RBFOX1: variants seen among roughly 807,000 people sequenced by gnomAD.
RBFOX1 encodes the protein RNA binding fox-1 homolog 1.
RBFOX1 carries 8 observed loss-of-function variants against 57.7 expected under a neutral mutation model. The observed-to-expected ratio is 0.14, with a 90% CI of 0.08 to 0.25. The LOEUF is 0.25. Ranked by LOEUF, RBFOX1 falls within the 10% of genes least tolerant of loss-of-function variation. The pLI is 1.00. For missense variants in RBFOX1, 611 were observed against 548.5 expected, an observed-to-expected ratio of 1.11 and a Z score of -1.14; for synonymous variants, 326 against 222.4, an observed-to-expected ratio of 1.47 and a Z score of -4.15.
chr16:6,738,618 C>A (rs1019474540), intron 3 of RBFOX1, among the ~76,000 whole-genome samples: 1 of 152,130 alleles, frequency 6.6e-6, no homozygotes, highest in Non-Finnish European at 1.5e-5. Flanking sequence ...GAAGAACTCA[C>A]CACCATCAAC....
intron 3 of RBFOX1, among the ~76,000 whole-genome samples, chr16:6,680,719 G>T (rs938888509): frequency 2.0e-5 from 3 of 152,052 alleles, no homozygotes; most frequent in Non-Finnish European, 1.5e-5. Flanking sequence ...TCAGACTTCT[G>T]CGGTTCTGAT....
chr16:6,308,363 G>A (rs2152756609), intron 1 of RBFOX1, among the ~76,000 whole-genome samples: 1 of 152,358 alleles, frequency 6.6e-6, no homozygotes, highest in East Asian at 1.9e-4. Context: ...CAAGCCATGT[G>A]TTGGATCATC....
chr16:6,353,022 G>T (rs2086674386), intron 2 of RBFOX1, among the ~76,000 whole-genome samples: 1 of 152,126 alleles, frequency 6.6e-6, no homozygotes, highest in African/African-American at 2.4e-5. Context: ...AAGAATGCTA[G>T]TGCTGGCCGG....
chr16:7,201,806 T>C (rs2346606), intron 4 of RBFOX1, among the ~76,000 whole-genome samples: 95,629 of 152,044 alleles, frequency 0.63, 31,376 homozygotes, highest in African/African-American at 0.82. Context: ...TGGTAGAGAA[T>C]GGGCACGGCA....
chr16:7,082,771 G>C (rs911047790), intron 4 of RBFOX1, among the ~76,000 whole-genome samples: 1 of 152,126 alleles, frequency 6.6e-6, no homozygotes, highest in Admixed American at 6.5e-5. Flanking sequence ...TAGCAGATCA[G>C]AAGCCACTGA....
chr16:5,914,843 C>T (rs552706518), intron 4 of RBFOX1, among the ~76,000 whole-genome samples: 20 of 151,932 alleles, frequency 1.3e-4, no homozygotes, highest in African/African-American at 4.1e-4. Flanking sequence ...TGCAGTGAGC[C>T]GAGACTGTGC....
intron 2 of RBFOX1, among the ~76,000 whole-genome samples, chr16:6,607,445 TCTCTCTTC>T (rs1236698640): frequency 4.7e-5 from 7 of 150,342 alleles, no homozygotes; most frequent in Non-Finnish European, 1.0e-4. Context: ...TCGCTCTCTA[TCTCTCTTC>T]CTCTCTCTCT....
At chr16:6,948,210 T>C (rs1361160001) in intron 3 of RBFOX1, among the ~76,000 whole-genome samples, 5 of 152,006 alleles carry the variant, frequency 3.3e-5, no homozygotes, top group Non-Finnish European at 7.4e-5. Context: ...GGTGAGAGGA[T>C]GGCTTGAGCT....
intron 3 of RBFOX1, among the ~76,000 whole-genome samples, chr16:5,692,479 C>A (rs942667977): frequency 6.6e-6 from 1 of 152,078 alleles, no homozygotes; most frequent in Non-Finnish European, 1.5e-5. Context: ...TATTACAGCT[C>A]CAAAGAGCGC....
intron 3 of RBFOX1, among the ~76,000 whole-genome samples, chr16:6,885,601 G>C (rs777392418): frequency 6.6e-6 from 1 of 151,660 alleles, no homozygotes; most frequent in Non-Finnish European, 1.5e-5. Context: ...GCACAGTCTC[G>C]GCTCACTGCC....
rs142169053 is a variant in RBFOX1, at chr16:6,796,461, A to G, written c.-16+141811A>G. Among the ~76,000 whole-genome samples, 220 of 152,298 alleles carry G rather than the reference A, an allele frequency of 1.4e-3. 1 individual carries two copies. Among genetic ancestry groups the G allele is most frequent in the African/African-American group, 5.0e-3 (209 of 41,556 alleles). The stretch of plus-strand genomic sequence containing the variant: ...ACCCTAACCCCCCACTGCCAAATCA[A>G]CACTCTTCCACTATATCATTTTCCA... On this transcript the variant is annotated intron_variant, in intron 3 of 15. Transcript: ENST00000550418.
chr16:7,131,862 A>G (rs1455418463), intron 4 of RBFOX1, among the ~76,000 whole-genome samples: 1 of 152,108 alleles, frequency 6.6e-6, no homozygotes, highest in Non-Finnish European at 1.5e-5. Flanking sequence ...CTTAACTTCC[A>G]GAGGGGCACA....
At chr16:6,115,528 G>C (rs1457854747) in intron 1 of RBFOX1, among the ~76,000 whole-genome samples, 1 of 152,132 alleles carries the variant, frequency 6.6e-6, no homozygotes, top group Non-Finnish European at 1.5e-5. Context: ...ATCTGTACTT[G>C]TCTGCATAAC....
chr16:6,982,429 G>C (rs1546089), intron 3 of RBFOX1, among the ~76,000 whole-genome samples: 152,020 of 152,236 alleles, frequency 1, 75,903 homozygotes, highest in East Asian at 1. Flanking sequence ...CATCAGTCAT[G>C]TCTACTTAAG....
At chr16:6,256,930 A>C (rs9935712) in intron 1 of RBFOX1, among the ~76,000 whole-genome samples, 136,754 of 151,992 alleles carry the variant, frequency 0.9, 62,627 homozygotes, top group Non-Finnish European at 0.99. Flanking sequence ...TAGGTGGAGA[A>C]GTCCTAATAA....
chr16:5,683,180 C>T (rs951248088), intron 3 of RBFOX1, among the ~76,000 whole-genome samples: 1 of 152,008 alleles, frequency 6.6e-6, no homozygotes, highest in African/African-American at 2.4e-5. Context: ...GCGCCAGATC[C>T]TTGGCCAAGT....
At chr16:6,825,505 A>C (rs1000558774) in intron 3 of RBFOX1, among the ~76,000 whole-genome samples, 13 of 152,196 alleles carry the variant, frequency 8.5e-5, no homozygotes, top group African/African-American at 2.4e-4. Context: ...TGAGAACACA[A>C]AATGAATCTC....
chr16:6,510,577 T>C (rs568548645), intron 2 of RBFOX1, among the ~76,000 whole-genome samples: 131 of 152,302 alleles, frequency 8.6e-4, no homozygotes, highest in African/African-American at 3.0e-3. Flanking sequence ...TTCCATGTGA[T>C]GGAGAAGTCG....
Position 6,298,166 on chromosome 16 carries a change from C to T in RBFOX1, c.-126-18829C>T, listed in dbSNP as rs1162591578. ...TGCAGCTGTCTGTCATCATGCTCCA[C>T]CTCCTGTAAGGGGTTTGAGCAGTGG... On this transcript the variant is annotated intron_variant, in intron 1 of 15. Coordinates refer to ENST00000550418, the MANE Select transcript of RBFOX1 (RefSeq NM_018723.4). 3.3e-5 allele frequency among the ~76,000 whole-genome samples: 5 copies of T among 152,324 alleles called. No individual in the cohort carries two copies. The East Asian group carries it at 9.7e-4, about 29-fold the overall frequency.
Sources: allele counts gnomAD v4.1 joint callset (sites outside exome capture counted in the v4.1 genomes callset), GRCh38; gene constraint gnomAD v4.1.1; transcripts MANE v1.5; gene names NCBI Gene and HGNC (gene_info 2026-07-23, HGNC 2026-07-21).